ZNF292: variants seen among roughly 807,000 people sequenced by gnomAD.
ZNF292 encodes 16 zinc-finger domain protein.
ZNF292 carries 26 observed loss-of-function variants against 217.9 expected under a neutral mutation model. The ratio of observed to expected loss-of-function variants is 0.12; its 90% CI spans 0.09 to 0.17. ZNF292 has a LOEUF of 0.17. Ranked by LOEUF, ZNF292 falls within the 10% of genes least tolerant of loss-of-function variation. ZNF292 has a pLI of 1.00. For synonymous variants in ZNF292, 1,257 were observed against 1,124.1 expected (o/e 1.12, Z -2.37); for missense variants, 2,904 against 3,175.2 (o/e 0.91, Z 2.05).
At chr6:87,161,570 T>A (rs965596548) in intron 1 of ZNF292, among the ~76,000 whole-genome samples, 2 of 152,132 alleles carry the variant, frequency 1.3e-5, no homozygotes, top group African/African-American at 4.8e-5. Context: ...CAGGTGCACA[T>A]CAACATGCCT....
chr6:87,247,634 A>G (rs1429422703), intron 7 of ZNF292, among the ~76,000 whole-genome samples: 3 of 152,198 alleles, frequency 2.0e-5, no homozygotes, highest in Non-Finnish European at 2.9e-5. Context: ...CATATTGTCA[A>G]CACAGGCGTC....
rs1775777354 is a variant in ZNF292, at chr6:87,265,415, T to C, written c.*3614T>C. Among the ~76,000 whole-genome samples the C allele has an allele frequency of 6.6e-6, 1 of 152,172 alleles. No homozygotes were observed. The highest frequency in any genetic ancestry group is 1.5e-5 in the Non-Finnish European group (1 of 68,030). ...ATTTTATATTTTTAGTAGAGACGGT[T>C]TCACCATGTTGGCCAGGCTGGTCTT... On this transcript the variant is annotated 3_prime_UTR_variant, in exon 8 of 8. Coordinates refer to ENST00000369577, the MANE Select transcript of ZNF292 (RefSeq NM_015021.3).
At position 87,264,751 on chromosome 6, in the gene ZNF292, C is replaced by T. The variant is rs926210687; in HGVS notation, c.*2950C>T. Among the ~76,000 whole-genome samples the T allele has an allele frequency of 6.6e-5, 10 of 152,000 alleles. No individual in the cohort carries two copies. The highest frequency in any genetic ancestry group is 9.7e-5 in the African/African-American group (4 of 41,384). Reference sequence around the variant, plus strand: ...GTGGGATCAGGAGTGTTCTTGTATGCTGTATTAAGTCTTTATTTTGGTTTT... The same window carrying T: ...GTGGGATCAGGAGTGTTCTTGTATGTTGTATTAAGTCTTTATTTTGGTTTT... On this transcript the variant is annotated 3_prime_UTR_variant, in exon 8 of 8. Coordinates refer to ENST00000369577, the MANE Select transcript of ZNF292 (RefSeq NM_015021.3).
chr6:87,260,400 A>C lies in ZNF292; in HGVS notation c.6771A>C (p.Lys2257Asn). 1 of 1,613,604 alleles carries C rather than the reference A, an allele frequency of 6.2e-7. No individual in the cohort carries two copies. The highest frequency in any genetic ancestry group is 1.1e-5 in the South Asian group (1 of 91,062). The part of the protein sequence containing the change: ...ASKTEEDGVY[K>N]CDCEGCDRIY... ...AAACAGAAGAAGATGGTGTATACAA[A>C]TGTGATTGTGAAGGCTGTGACCGTA... Residue 2257 changes from lysine (K) to asparagine (N), a missense_variant, in exon 8 of 8, where the codon AAA (lysine) becomes AAC (asparagine). Physicochemically the swap from Lys to Asn is moderately conservative, Grantham distance 94. Coordinates refer to ENST00000369577, the MANE Select transcript of ZNF292 (RefSeq NM_015021.3).
chr6:87,158,476 G>C (rs774444915), intron 1 of ZNF292, among the ~76,000 whole-genome samples: 2 of 151,946 alleles, frequency 1.3e-5, no homozygotes, highest in Non-Finnish European at 2.9e-5. Flanking sequence ...GCAGCATGGC[G>C]TGGCCCCTTC....
In ZNF292 at chr6:87,258,292, A is replaced by G. The variant is rs369966801; in HGVS notation, c.4663A>G (p.Asn1555Asp). Residue 1555 changes from asparagine to aspartate, a missense_variant, in exon 8 of 8, where the codon AAC becomes GAC. Around this residue, in one of 15 missense-constraint regions of ZNF292, gnomAD observed 622 missense variants for 573.1 expected, o/e 1.09. Transcript: ENST00000369577. ...GCTGACCAACCAGAATAGGACGTCA[A>G]ACTCCAAAACTTCCTCCATTGAGGA... is the stretch of plus-strand genomic sequence containing the variant. ...TLLTNQNRTS[N>D]SKTSSIEECS... is the part of the protein sequence containing the mutation. 2.0e-5 allele frequency: 33 copies of G among 1,613,424 alleles called. No homozygotes were observed. The highest frequency in any genetic ancestry group is 1.7e-4 in the African/African-American group (13 of 74,914).
At chr6:87,168,203 T>C (rs572049650) in intron 1 of ZNF292, among the ~76,000 whole-genome samples, 1 of 152,308 alleles carries the variant, frequency 6.6e-6, no homozygotes, top group East Asian at 1.9e-4. Context: ...TCAAGAACCA[T>C]TTAGTTTTAG....
rs1033882754 is a variant in ZNF292 at position 87,264,505 on chromosome 6, A to G, written c.*2704A>G. The stretch of plus-strand genomic sequence containing the variant: ...ATGAAAGTACAATAATACTATACCT[A>G]GGGACATCAGAAAGAATGCCCTATT... On this transcript the variant is annotated 3_prime_UTR_variant, in exon 8 of 8. Coordinates refer to ENST00000369577, the MANE Select transcript of ZNF292 (RefSeq NM_015021.3). Among the ~76,000 whole-genome samples the G allele has an allele frequency of 6.6e-6, 1 of 152,242 alleles. No individual in the cohort carries two copies. The highest frequency in any genetic ancestry group is 2.4e-5 in the African/African-American group (1 of 41,478).
intron 1 of ZNF292, among the ~76,000 whole-genome samples, chr6:87,159,531 T>A (rs1770656007): frequency 6.7e-6 from 1 of 150,318 alleles, no homozygotes; most frequent in South Asian, 2.1e-4. Flanking sequence ...AAGATGTAGT[T>A]TAACTCTGTC....
intron 4 of ZNF292, among the ~76,000 whole-genome samples, chr6:87,230,138 C>T (rs1368832322): frequency 6.6e-6 from 1 of 152,114 alleles, no homozygotes; most frequent in Middle Eastern, 3.2e-3. Context: ...TTGAGCACAA[C>T]TGAATAGATG....
Position 87,243,599 on chromosome 6 carries a change from T to C in ZNF292, c.866T>C (p.Met289Thr), listed in dbSNP as rs770128233. ...TCACGTCAGCTCCAACAAGGAGATA[T>C]GTACTGCGCTTGGTGAGTTGATCTT... ...FLSRQLQQGDMYCAWELTLFW... is the reference protein window; with the variant it reads ...FLSRQLQQGDTYCAWELTLFW... The change falls in exon 6 of 8, where the codon ATG becomes ACG. Residue 289 changes from methionine to threonine, a missense_variant. Met to Thr is a moderately conservative substitution (Grantham distance 81). Transcript: ENST00000369577. 9.3e-6 allele frequency: 14 copies of C among 1,507,002 alleles called. No homozygotes were observed. The highest frequency in any genetic ancestry group is 2.4e-5 in the East Asian group (1 of 41,326). 93.4% of individuals were successfully genotyped at this position (1,507,002 alleles called of 1,614,324 possible).
intron 1 of ZNF292, among the ~76,000 whole-genome samples, chr6:87,167,595 C>T (rs540316827): frequency 1.3e-5 from 2 of 152,296 alleles, no homozygotes; most frequent in South Asian, 2.1e-4. Context: ...GAGCCAAGAT[C>T]GTGCCATTGC....
chr6:87,175,974 T>C (rs1407296549), intron 1 of ZNF292, among the ~76,000 whole-genome samples: 1 of 152,228 alleles, frequency 6.6e-6, no homozygotes, highest in Non-Finnish European at 1.5e-5. Flanking sequence ...TGTGACTGTT[T>C]ATTGTCTTTA....
chr6:87,205,185 G>C (rs1772209930), intron 1 of ZNF292, among the ~76,000 whole-genome samples: 1 of 152,000 alleles, frequency 6.6e-6, no homozygotes, highest in South Asian at 2.1e-4. Flanking sequence ...CGATCCTCCA[G>C]CTTTAGCCTC....
intron 1 of ZNF292, among the ~76,000 whole-genome samples, chr6:87,186,610 G>A (rs1771663908): frequency 6.6e-6 from 1 of 152,174 alleles, no homozygotes; most frequent in South Asian, 2.1e-4. Flanking sequence ...CAGGTGTAGT[G>A]GCTCATGCCT....
rs760553552 is a variant in ZNF292, at chr6:87,261,769, A to C, written c.8140A>C (p.Ile2714Leu). ...TATGTCTGTTATGAAAGATATCAGT[A>C]TAGGTAAAGCCACAGGCAGAGGTCA... Reference protein sequence around the residue: ...PDMSVMKDISIGKATGRGQY With the variant: ...PDMSVMKDISLGKATGRGQY Residue 2714 changes from isoleucine (I) to leucine (L), a missense_variant, in exon 8 of 8, where the codon ATA becomes CTA. This residue lies in a region of ZNF292 where 380 missense variants were observed against 355.3 expected (regional missense o/e 1.07). Transcript: ENST00000369577. 1.2e-5 allele frequency: 19 copies of C among 1,612,428 alleles called. No homozygotes were observed. In the African/African-American group the frequency reaches 2.5e-4, roughly 22 times the overall value.
chr6:87,164,375 G>T (rs1371109264), intron 1 of ZNF292, among the ~76,000 whole-genome samples: 1 of 152,034 alleles, frequency 6.6e-6, no homozygotes, highest in Non-Finnish European at 1.5e-5. Flanking sequence ...TGCCCCTCCT[G>T]GTGTCATATT....
At chr6:87,215,869 T>C (rs1254774096) in intron 1 of ZNF292, 34 bp from the exon 2 acceptor site, 4 of 1,527,154 alleles carry the variant, frequency 2.6e-6, no homozygotes. Flanking sequence ...TTGATTTACA[T>C]TTTGAATACT....
At chr6:87,244,356 G>T (rs897798762) in intron 6 of ZNF292, among the ~76,000 whole-genome samples, 4 of 152,138 alleles carry the variant, frequency 2.6e-5, no homozygotes, top group African/African-American at 9.7e-5. Flanking sequence ...TCTGAAGGGA[G>T]AATAAATAAG....
Sources: gnomAD v4.1 joint callset for allele counts (sites outside exome capture counted in the v4.1 genomes callset) on GRCh38, gnomAD v4.1.1 for gene constraint, gnomAD v4.1.1 regional missense constraint, MANE v1.5 for transcripts, NCBI Gene and HGNC (gene_info 2026-07-23, HGNC 2026-07-21) for gene names.